The following ZNF334 variants were observed in gnomAD, a reference collection of about 807,000 sequenced individuals.
ZNF334 encodes zinc finger protein 334.
ZNF334 carries 14 observed loss-of-function variants against 12.4 expected under a neutral mutation model. The ratio of observed to expected loss-of-function variants is 1.13; its 90% CI spans 0.74 to 1.76. The LOEUF is 1.76. Among genes scored for constraint, ZNF334 ranks in the 40% most tolerant of loss-of-function variants. The pLI is 0.00. For missense variants in ZNF334, 797 were observed against 804.5 expected, an observed-to-expected ratio of 0.99 and a Z score of 0.11; for synonymous variants, 273 against 269.6, an observed-to-expected ratio of 1.01 and a Z score of -0.12.
chr20:46,488,419 T>TTATATATATA, the ZNF334 span, among the ~76,000 whole-genome samples: 283 of 102,216 alleles, frequency 2.8e-3, 9 homozygotes, highest in East Asian at 0.017. Flanking sequence ...AGCTCTTATT[T>TTATATATATA]TATATATATA....
At chr20:46,493,799 G>A in the ZNF334 span, among the ~76,000 whole-genome samples, 34 of 152,282 alleles carry the variant, frequency 2.2e-4, no homozygotes, top group African/African-American at 8.2e-4. Flanking sequence ...GTATGGTGGC[G>A]TGCGCCTTTA....
At chr20:46,488,518 A>G in the ZNF334 span, among the ~76,000 whole-genome samples, 1 of 149,774 alleles carries the variant, frequency 6.7e-6, no homozygotes, top group Non-Finnish European at 1.5e-5. Flanking sequence ...TAAGCCCCAC[A>G]ATACATTATT....
chr20:46,490,946 T>G, the ZNF334 span: 1 of 152,668 alleles, frequency 6.6e-6, no homozygotes, highest in South Asian at 2.1e-4. Context: ...GCATTATGAA[T>G]GTGATGACTG....
At chr20:46,510,679 A>G (rs2061613867) in intron 2 of ZNF334, among the ~76,000 whole-genome samples, 1 of 149,720 alleles carries the variant, frequency 6.7e-6, no homozygotes, top group Non-Finnish European at 1.5e-5. Flanking sequence ...AATGGTGTGA[A>G]CCCGGGAGGC....
At chr20:46,512,458 C>A in intron 1 of ZNF334, 82 bp downstream of exon 1, 1 of 181,842 alleles carries the variant, frequency 5.5e-6, no homozygotes, top group Non-Finnish European at 1.2e-5. Context: ...ATATACAAAG[C>A]CTGGAACACT....
chr20:46,513,355 G>A lies in ZNF334; in HGVS notation c.-854C>T. 6.6e-6 allele frequency: 1 copy of A among 152,468 alleles called. No homozygotes were observed. The highest frequency in any genetic ancestry group is 1.9e-4 in the East Asian group (1 of 5,194). The allele number at this position is 152,468 out of a possible 1,614,324, so 9.4% of individuals were successfully genotyped here. A position where few individuals can be genotyped will look rare whatever the true frequency, so the allele number is the denominator to read the frequency against. ...ACAGGAAACCCTCCCTCCAAAGACA[G>A]GGAGAGCGCGCGTCCACCCTCCGCA... On this transcript the variant is annotated 5_prime_UTR_variant, in exon 1 of 5. Transcript: ENST00000692313.
At chr20:46,499,584 T>C (rs1236774662), downstream of ZNF334, 5 of 152,292 alleles carry the variant, frequency 3.3e-5, no homozygotes, top group East Asian at 3.9e-4. Flanking sequence ...TTTGAAAAAA[T>C]TGTTCCAACA....
At chr20:46,503,157 G>C in intron 4 of ZNF334, 60 bp from the exon 5 acceptor site, 1 of 1,500,108 alleles carries the variant, frequency 6.7e-7, no homozygotes, top group South Asian at 1.4e-5. Flanking sequence ...GCTATGAAAT[G>C]AGAATTCCTT....
At chr20:46,490,022 A>G in the ZNF334 span, among the ~76,000 whole-genome samples, 1 of 152,160 alleles carries the variant, frequency 6.6e-6, no homozygotes, top group African/African-American at 2.4e-5. Flanking sequence ...AGATGTTTTT[A>G]TTACAAAAAA....
At chr20:46,497,284 G>C (rs2061040361), downstream of ZNF334, among the ~76,000 whole-genome samples, 1 of 152,188 alleles carries the variant, frequency 6.6e-6, no homozygotes, top group South Asian at 2.1e-4. Flanking sequence ...GGAGCATCAG[G>C]CTTCTGAAGA....
rs1353553355 is a variant in ZNF334, at chr20:46,510,595, G to A, written c.21+1487C>T. 5.3e-5 allele frequency among the ~76,000 whole-genome samples: 8 copies of A among 151,746 alleles called. No homozygotes were observed. In the East Asian group the frequency reaches 5.8e-4, roughly 11 times the overall value. On this transcript the variant is annotated intron_variant, in intron 2 of 4. Transcript: ENST00000692313. ...CAAAAAATTAGCCAGGCGTGGTGGC[G>A]GGTGCCTGTAGTCCCAGCTACTCGG...
In ZNF334 at chr20:46,499,848, G is replaced by C. The variant is rs1191525700; in HGVS notation, c.*1448C>G. The stretch of plus-strand genomic sequence containing the variant: ...ATACATACATTTATCTGTCCTGAAG[G>C]ACATAAAAACTGAATAAATAGATAA... On this transcript the variant is annotated 3_prime_UTR_variant, in exon 5 of 5. Transcript: ENST00000692313. The C allele has an allele frequency of 1.3e-5, 2 of 152,046 alleles. No homozygotes were observed. The highest frequency in any genetic ancestry group is 2.9e-5 in the Non-Finnish European group (2 of 68,016). The allele number at this position is 152,046 out of a possible 1,614,324, so 9.4% of individuals were successfully genotyped here.
At chr20:46,499,097 C>G (rs1238504591), downstream of ZNF334, among the ~76,000 whole-genome samples, 1 of 146,902 alleles carries the variant, frequency 6.8e-6, no homozygotes, top group Non-Finnish European at 1.5e-5. Flanking sequence ...TGGTGTGAAC[C>G]CGGGAGGCGG....
At chr20:46,489,609 G>C in the ZNF334 span, among the ~76,000 whole-genome samples, 1 of 121,994 alleles carries the variant, frequency 8.2e-6, no homozygotes, top group African/African-American at 3.2e-5. Context: ...AATGAGCCAA[G>C]ATCATGCCAT....
chr20:46,504,219 T>G lies in ZNF334; in HGVS notation c.236A>C (p.Tyr79Ser), dbSNP rs546675717. ...WIVEEFSNQN[Y>S]PDIDDALEKN... ...CTCAGTTATCATTTACTTACCTGGG[T>G]AGTTCTGATTTGAGAATTCCTCCAC... The change falls in exon 4 of 5, where the codon TAC (tyrosine) becomes TCC (serine). Residue 79 changes from tyrosine to serine, a missense_variant. Transcript: ENST00000692313. The G allele has an allele frequency of 9.8e-4, 1,571 of 1,608,678 alleles. 28 individuals carry two copies. In the South Asian group the frequency reaches 0.016, roughly 17 times the overall value.
rs1251017754 is a variant in ZNF334 at position 46,510,783 on chromosome 20, C to T, written c.21+1299G>A. 2.7e-5 allele frequency among the ~76,000 whole-genome samples: 4 copies of T among 150,528 alleles called. No individual in the cohort carries two copies. In the South Asian group the frequency reaches 6.4e-4, roughly 24 times the overall value. On this transcript the variant is annotated intron_variant, in intron 2 of 4. Transcript: ENST00000692313. ...AAAAAAAAAAAAAAAAAAAGATGGC[C>T]TTCATTTTCTGGCTTGTCTCGCTGG...
chr20:46,465,254 G>C, the ZNF334 span: 1 of 176,418 alleles, frequency 5.7e-6, no homozygotes, highest in Non-Finnish European at 1.2e-5. Flanking sequence ...GTTGTTCTGG[G>C]AGCTGCAGCC....
At chr20:46,510,465 C>T (rs1424538789) in intron 2 of ZNF334, among the ~76,000 whole-genome samples, 1 of 152,146 alleles carries the variant, frequency 6.6e-6, no homozygotes, top group Non-Finnish European at 1.5e-5. Context: ...ATGGCTCACG[C>T]CTGTAATCCC....
At chr20:46,462,854 T>TCA in the ZNF334 span, among the ~76,000 whole-genome samples, 1 of 152,204 alleles carries the variant, frequency 6.6e-6, no homozygotes, top group African/African-American at 2.4e-5. Flanking sequence ...ATACTCACAC[T>TCA]CACACACACC....
Sources: allele counts gnomAD v4.1 joint callset (sites outside exome capture counted in the v4.1 genomes callset), GRCh38; gene constraint gnomAD v4.1.1; transcripts MANE v1.5; gene names NCBI Gene and HGNC (gene_info 2026-07-23, HGNC 2026-07-21).